NOX4: variants seen among roughly 807,000 people sequenced by gnomAD.
NOX4 encodes kidney oxidase-1.
Under a neutral mutation model 87.6 loss-of-function variants are expected in NOX4, and 69 were observed. The observed-to-expected ratio is 0.79, with a 90% CI of 0.65 to 0.96. The LOEUF is 0.96. Among genes scored for constraint, NOX4 ranks in the 40% least tolerant of loss-of-function variants. The pLI, the probability that NOX4 is intolerant of heterozygous loss-of-function variation, is 0.00. For missense variants in NOX4, 680 were observed against 681.5 expected, an observed-to-expected ratio of 1.00 and a Z score of 0.02; for synonymous variants, 275 against 238.2, an observed-to-expected ratio of 1.15 and a Z score of -1.42.
chr11:89,567,119 C>T, the NOX4 span, among the ~76,000 whole-genome samples: 159 of 152,236 alleles, frequency 1.0e-3, no homozygotes, highest in African/African-American at 3.6e-3. Context: ...GTCCATGGGA[C>T]GGGGCCAGTC....
chr11:89,557,684 A>T, the NOX4 span, among the ~76,000 whole-genome samples: 1 of 152,130 alleles, frequency 6.6e-6, no homozygotes, highest in African/African-American at 2.4e-5. Flanking sequence ...GCAGTATTTC[A>T]TGCTCCCTAA....
intron 12 of NOX4, among the ~76,000 whole-genome samples, chr11:89,371,925 T>C (rs907952057): frequency 2.0e-4 from 30 of 151,966 alleles, no homozygotes; most frequent in Non-Finnish European, 4.0e-4. Flanking sequence ...TTCCTTCCTT[T>C]TTTTTAAGTC....
intron 13 of NOX4, among the ~76,000 whole-genome samples, chr11:89,350,254 T>C (rs1261001270): frequency 6.6e-6 from 1 of 152,174 alleles, no homozygotes; most frequent in East Asian, 1.9e-4. Flanking sequence ...CCAAGCACCA[T>C]TGCAGGAGTT....
At chr11:89,397,505 C>T (rs1351923692) in intron 11 of NOX4, among the ~76,000 whole-genome samples, 1 of 151,990 alleles carries the variant, frequency 6.6e-6, no homozygotes, top group South Asian at 2.1e-4. Flanking sequence ...ACAAAAAACA[C>T]TTCAAAAAAT....
At chr11:89,545,175 T>C in the NOX4 span, 1 of 152,198 alleles carries the variant, frequency 6.6e-6, no homozygotes. Flanking sequence ...CTGTTCCAAA[T>C]GATTTTTCAG....
At chr11:89,492,691 T>C (rs1946888734), upstream of NOX4, among the ~76,000 whole-genome samples, 1 of 152,214 alleles carries the variant, frequency 6.6e-6, no homozygotes, top group South Asian at 2.1e-4. Context: ...TAATACTATG[T>C]TCTTTCTGAC....
intron 7 of NOX4, among the ~76,000 whole-genome samples, chr11:89,424,174 G>T (rs916471974): frequency 6.6e-6 from 1 of 151,516 alleles, no homozygotes; most frequent in African/African-American, 2.4e-5. Context: ...TATATCTTTT[G>T]TCTCCAGATA....
chr11:89,483,693 C>T (rs1206966365), intron 2 of NOX4, among the ~76,000 whole-genome samples: 4 of 152,024 alleles, frequency 2.6e-5, no homozygotes, highest in Admixed American at 2.0e-4. Flanking sequence ...TATTGTACAA[C>T]ATGGTGACTA....
chr11:89,534,878 G>C, the NOX4 span, among the ~76,000 whole-genome samples: 5 of 152,226 alleles, frequency 3.3e-5, no homozygotes, highest in Non-Finnish European at 7.3e-5. Flanking sequence ...ACATAGGGCT[G>C]TTTACATTGT....
the NOX4 span, among the ~76,000 whole-genome samples, chr11:89,536,138 C>CTTTTTTTT: frequency 4.5e-5 from 4 of 88,954 alleles, 1 homozygote; most frequent in African/African-American, 1.9e-4. Context: ...TGGTCCTTTT[C>CTTTTTTTT]TTTTTTTTTT....
At chr11:89,450,570 TTTA>T (rs908987998) in intron 3 of NOX4, among the ~76,000 whole-genome samples, 44 of 151,568 alleles carry the variant, frequency 2.9e-4, no homozygotes, top group African/African-American at 6.3e-4. Context: ...GACATCACTA[TTTA>T]TTATTATTAT....
chr11:89,532,062 G>T, the NOX4 span, among the ~76,000 whole-genome samples: 1 of 152,328 alleles, frequency 6.6e-6, no homozygotes, highest in African/African-American at 2.4e-5. Flanking sequence ...ATGCCTGGAT[G>T]TCCAGGCCAT....
At chr11:89,441,930 AATAAC>A (rs900057273) in intron 5 of NOX4, among the ~76,000 whole-genome samples, 5 of 142,184 alleles carry the variant, frequency 3.5e-5, no homozygotes, top group African/African-American at 1.3e-4. Flanking sequence ...TGCTTCACAA[AATAAC>A]ATATGTGTTG....
rs549127021 is a variant in NOX4, at chr11:89,397,177, C to T, written c.1074+2840G>A. Among the ~76,000 whole-genome samples the T allele has an allele frequency of 2.0e-5, 3 of 152,276 alleles. No homozygotes were observed. In the South Asian group the frequency reaches 6.2e-4, roughly 32 times the overall value. ...GGATTAAGAAACTCACTCAAAACTG[C>T]TCAACTACATGGAAACTGAACAAAC... On this transcript the variant is annotated intron_variant, in intron 11 of 17. Coordinates refer to ENST00000263317, the MANE Select transcript of NOX4 (RefSeq NM_016931.5).
chr11:89,419,965 GA>G (rs1942999686), intron 8 of NOX4, among the ~76,000 whole-genome samples: 1 of 151,690 alleles, frequency 6.6e-6, no homozygotes, highest in South Asian at 2.1e-4. Flanking sequence ...ATATCTATCT[GA>G]TATAGGGACA....
At chr11:89,410,859 G>A (rs1050621751) in intron 8 of NOX4, among the ~76,000 whole-genome samples, 1 of 152,178 alleles carries the variant, frequency 6.6e-6, no homozygotes, top group East Asian at 1.9e-4. Flanking sequence ...AGTGATGTGG[G>A]TGGCACACGC....
At chr11:89,446,328 C>G (rs1367968969) in intron 4 of NOX4, among the ~76,000 whole-genome samples, 1 of 152,066 alleles carries the variant, frequency 6.6e-6, no homozygotes, top group Admixed American at 6.6e-5. Context: ...ACTACACATA[C>G]TCTTACCACA....
intron 13 of NOX4, among the ~76,000 whole-genome samples, chr11:89,349,020 G>A (rs1472617941): frequency 6.6e-6 from 1 of 152,178 alleles, no homozygotes; most frequent in Non-Finnish European, 1.5e-5. Flanking sequence ...CAGGTACAGT[G>A]GCTCACACCT....
At chr11:89,430,767 T>C (rs1943734196) in intron 7 of NOX4, among the ~76,000 whole-genome samples, 7 of 152,116 alleles carry the variant, frequency 4.6e-5, no homozygotes, top group Admixed American at 4.6e-4. Context: ...ATCGTGAAAA[T>C]GGCCATACTG....
Sources: allele counts gnomAD v4.1 joint callset (sites outside exome capture counted in the v4.1 genomes callset), GRCh38; gene constraint gnomAD v4.1.1; transcripts MANE v1.5; gene names NCBI Gene and HGNC (gene_info 2026-07-23, HGNC 2026-07-21).